TRIM55: variants seen among roughly 807,000 people sequenced by gnomAD.
TRIM55 encodes tripartite motif containing 55.
In TRIM55, 50 loss-of-function variants were observed where a neutral mutation model predicts 60.9. The ratio of observed to expected loss-of-function variants is 0.82; its 90% CI spans 0.65 to 1.04. TRIM55 has a LOEUF of 1.04. Ranked by LOEUF, TRIM55 falls within the 50% of genes least tolerant of loss-of-function variation. TRIM55 has a pLI of 0.00. For synonymous variants in TRIM55, 237 were observed against 238.1 expected (o/e 1.00, Z 0.04); for missense variants, 681 against 666.9 (o/e 1.02, Z -0.23).
At chr8:66,168,067 G>A (rs1250922300) in intron 9 of TRIM55, among the ~76,000 whole-genome samples, 3 of 152,276 alleles carry the variant, frequency 2.0e-5, no homozygotes, top group South Asian at 2.1e-4. Flanking sequence ...GCATTTTAGC[G>A]AGTGTTTTCC....
the TRIM55 span, chr8:66,113,586 C>T: frequency 2.2e-6 from 1 of 456,314 alleles, no homozygotes; most frequent in Non-Finnish European, 4.4e-6. Flanking sequence ...TTGGGCCTCC[C>T]AGCCTGCACG....
At position 66,128,293 on chromosome 8, in the gene TRIM55, G is replaced by T. The variant is rs1475982722; in HGVS notation, c.169-11G>T. The T allele has an allele frequency of 4.5e-6, 7 of 1,564,572 alleles. No homozygotes were observed. Among genetic ancestry groups the T allele is most frequent in the Middle Eastern group, 1.8e-4 (1 of 5,658 alleles). ...TTACCCAATTCCTTTTTTCTTACTT[G>T]GCAAGAACAGGCCTCTAACCCGTAT... On this transcript the variant is annotated splice_polypyrimidine_tract_variant and intron_variant, in intron 1 of 9. Coordinates refer to ENST00000315962, the MANE Select transcript of TRIM55 (RefSeq NM_184085.2).
At chr8:66,115,148 T>G in the TRIM55 span, 1 of 153,358 alleles carries the variant, frequency 6.5e-6, no homozygotes, top group Non-Finnish European at 1.5e-5. Flanking sequence ...AAGGCAGAAA[T>G]ACAGTATCAA....
intron 4 of TRIM55, among the ~76,000 whole-genome samples, chr8:66,143,406 T>G (rs1329645177): frequency 6.6e-6 from 1 of 152,198 alleles, no homozygotes; most frequent in African/African-American, 2.4e-5. Context: ...TCTCTGAAAC[T>G]TCTTCACATT....
chr8:66,154,006 T>TTCTTC, intron 8 of TRIM55, 41 bp from the exon 9 acceptor site: 1 of 1,545,340 alleles, frequency 6.5e-7, no homozygotes, highest in Non-Finnish European at 8.7e-7. Context: ...TCTTCTTCTT[T>TTCTTC]TTTTTTTTCT....
intron 4 of TRIM55, among the ~76,000 whole-genome samples, chr8:66,138,772 ATGGTACCTATCT>A (rs1809632329): frequency 6.6e-6 from 1 of 152,228 alleles, no homozygotes; most frequent in Non-Finnish European, 1.5e-5. Context: ...TGGGGCAATC[ATGGTACCTATCT>A]TATAGAGTTA....
upstream of TRIM55, among the ~76,000 whole-genome samples, chr8:66,124,968 G>GGAA (rs200755400): frequency 7.7e-3 from 1,169 of 152,270 alleles, 4 homozygotes; most frequent in Non-Finnish European, 0.013. Flanking sequence ...CTGAGCTAAA[G>GGAA]GAAGACATAA....
intron 4 of TRIM55, among the ~76,000 whole-genome samples, chr8:66,144,671 T>A (rs1376871017): frequency 6.6e-6 from 1 of 152,224 alleles, no homozygotes; most frequent in African/African-American, 2.4e-5. Context: ...CTTGATTGAA[T>A]TACTGTCCAG....
chr8:66,134,417 C>T (rs905681713), intron 2 of TRIM55, among the ~76,000 whole-genome samples: 2 of 152,166 alleles, frequency 1.3e-5, no homozygotes, highest in Non-Finnish European at 2.9e-5. Flanking sequence ...CCATGTGAGC[C>T]ACACCTATCC....
At chr8:66,154,598 C>A (rs1810638346) in intron 9 of TRIM55, among the ~76,000 whole-genome samples, 1 of 152,234 alleles carries the variant, frequency 6.6e-6, no homozygotes, top group East Asian at 1.9e-4. Context: ...TGCAAGTGAG[C>A]CTGGCCCTTA....
upstream of TRIM55, among the ~76,000 whole-genome samples, chr8:66,122,704 A>G (rs1009891847): frequency 3.9e-5 from 6 of 152,148 alleles, no homozygotes; most frequent in South Asian, 1.2e-3. Context: ...TCAGGCCATT[A>G]TGGGAAGATC....
At chr8:66,158,532 T>C (rs1290423088) in intron 9 of TRIM55, among the ~76,000 whole-genome samples, 5 of 152,224 alleles carry the variant, frequency 3.3e-5, no homozygotes, top group Non-Finnish European at 7.3e-5. Context: ...ATCTAAATTC[T>C]TGAAGCCTCA....
the TRIM55 span, among the ~76,000 whole-genome samples, chr8:66,121,659 T>C: frequency 6.6e-6 from 1 of 152,208 alleles, no homozygotes; most frequent in Admixed American, 6.5e-5. Flanking sequence ...GCTGAGCTGT[T>C]ACCAATCCAG....
At chr8:66,137,410 G>A (rs909541605) in intron 4 of TRIM55, among the ~76,000 whole-genome samples, 6 of 152,288 alleles carry the variant, frequency 3.9e-5, no homozygotes, top group Middle Eastern at 3.4e-3. Flanking sequence ...TACTAGGGCT[G>A]TTGCTGTATG....
chr8:66,116,373 C>A, the TRIM55 span, among the ~76,000 whole-genome samples: 1 of 151,970 alleles, frequency 6.6e-6, no homozygotes, highest in East Asian at 1.9e-4. Context: ...TTGAGAGGCC[C>A]GGGCAGACAG....
Position 66,154,068 on chromosome 8 carries a change from T to C in TRIM55, c.1258T>C (p.Ser420Pro), listed in dbSNP as rs1810593707. Residue 420 changes from serine (S) to proline (P), a missense_variant, in exon 9 of 10, where the codon TCT becomes CCT. Ser to Pro is a moderately conservative substitution (Grantham distance 74). Transcript: ENST00000315962. Reference protein sequence around the residue: ...VTQGEVVPTGSEQTTESETPV... With the variant: ...VTQGEVVPTGPEQTTESETPV... Reference sequence around the variant, plus strand: ...TAAGGGGGAGGTTGTACCCACTGGCTCTGAGCAGACCACAGAGTCTGAAAC... The same window carrying C: ...TAAGGGGGAGGTTGTACCCACTGGCCCTGAGCAGACCACAGAGTCTGAAAC... 6.2e-7 allele frequency: 1 copy of C among 1,613,974 alleles called. No homozygotes were observed. Among genetic ancestry groups the C allele is most frequent in the Non-Finnish European group, 8.5e-7 (1 of 1,179,970 alleles).
At chr8:66,114,136 T>C in the TRIM55 span, among the ~76,000 whole-genome samples, 1 of 134,242 alleles carries the variant, frequency 7.4e-6, no homozygotes, top group Non-Finnish European at 1.6e-5. Context: ...TCTTCAGCGC[T>C]CAATGTTCTG....
intron 7 of TRIM55, among the ~76,000 whole-genome samples, chr8:66,150,759 T>C (rs1414782599): frequency 2.0e-5 from 3 of 151,994 alleles, no homozygotes; most frequent in East Asian, 1.9e-4. Flanking sequence ...CTCCACCTCC[T>C]GGGTTCAAGC....
At chr8:66,125,801 T>G (rs1036508954), upstream of TRIM55, among the ~76,000 whole-genome samples, 3 of 152,118 alleles carry the variant, frequency 2.0e-5, no homozygotes, top group African/African-American at 7.2e-5. Context: ...CACACAGCAC[T>G]AAGACCACAC....
Sources: gnomAD v4.1 joint callset for allele counts (sites outside exome capture counted in the v4.1 genomes callset) on GRCh38, gnomAD v4.1.1 for gene constraint, MANE v1.5 for transcripts, NCBI Gene and HGNC (gene_info 2026-07-23, HGNC 2026-07-21) for gene names.